SNTG1: variants seen among roughly 807,000 people sequenced by gnomAD.
SNTG1 encodes the protein gamma-1-syntrophin.
Under a neutral mutation model 74.7 loss-of-function variants are expected in SNTG1, and 39 were observed. The observed-to-expected ratio is 0.52, with a 90% CI of 0.40 to 0.68. SNTG1 has a LOEUF of 0.68. SNTG1 is among the 30% of genes least tolerant of loss of function. SNTG1 has a pLI of 0.00. For synonymous variants in SNTG1, 254 were observed against 217.1 expected, an observed-to-expected ratio of 1.17 and a Z score of -1.49; for missense variants, 685 against 609.5, an observed-to-expected ratio of 1.12 and a Z score of -1.30.
At chr8:50,272,630 C>T (rs3925721) in intron 2 of SNTG1, among the ~76,000 whole-genome samples, 12 of 152,182 alleles carry the variant, frequency 7.9e-5, no homozygotes, top group Middle Eastern at 3.4e-3. Context: ...ACAGGATACC[C>T]GTGGACTTTA....
At chr8:50,030,120 T>C (rs1288284619) in intron 1 of SNTG1, among the ~76,000 whole-genome samples, 1 of 152,182 alleles carries the variant, frequency 6.6e-6, no homozygotes, top group Non-Finnish European at 1.5e-5. Context: ...CAATTTTTCA[T>C]ATATCTGCTG....
intron 1 of SNTG1, among the ~76,000 whole-genome samples, chr8:50,061,668 A>G (rs1015551217): frequency 9.3e-5 from 14 of 151,178 alleles, no homozygotes; most frequent in African/African-American, 3.1e-4. Flanking sequence ...TGCATCCCAC[A>G]TGTTTAATAT....
At chr8:50,200,749 C>T (rs979647330) in intron 2 of SNTG1, among the ~76,000 whole-genome samples, 1 of 151,996 alleles carries the variant, frequency 6.6e-6, no homozygotes, top group African/African-American at 2.4e-5. Flanking sequence ...CCAAATAGGC[C>T]TCTGTGAAGG....
chr8:50,238,284 A>G, intron 2 of SNTG1, among the ~76,000 whole-genome samples: 1 of 152,190 alleles, frequency 6.6e-6, no homozygotes, highest in East Asian at 1.9e-4. Context: ...GTACTGATAC[A>G]AAAGTAGATA....
At chr8:50,767,392 G>A (rs2095616409) in intron 18 of SNTG1, among the ~76,000 whole-genome samples, 1 of 151,760 alleles carries the variant, frequency 6.6e-6, no homozygotes, top group Non-Finnish European at 1.5e-5. Context: ...TCTTTTTGCT[G>A]TTGTTGTTGT....
chr8:49,940,049 T>C (rs76977866), intron 1 of SNTG1, among the ~76,000 whole-genome samples: 1,762 of 152,184 alleles, frequency 0.012, 30 homozygotes, highest in African/African-American at 0.039. Context: ...CTTCTGGGAG[T>C]TGACTCCATC....
chr8:50,194,370 T>A (rs1463931091), intron 2 of SNTG1, among the ~76,000 whole-genome samples: 1 of 152,082 alleles, frequency 6.6e-6, no homozygotes, highest in African/African-American at 2.4e-5. Flanking sequence ...CTGTTCAGGG[T>A]ATCTAATTCT....
intron 2 of SNTG1, among the ~76,000 whole-genome samples, chr8:50,258,547 G>A (rs2086994024): frequency 6.6e-6 from 1 of 152,054 alleles, no homozygotes; most frequent in Non-Finnish European, 1.5e-5. Context: ...ATGGTATGAT[G>A]ATAATATCTA....
chr8:49,922,437 TA>T (rs1806634350), intron 1 of SNTG1, among the ~76,000 whole-genome samples: 1 of 152,128 alleles, frequency 6.6e-6, no homozygotes, highest in Non-Finnish European at 1.5e-5. Flanking sequence ...GTGGGCAATT[TA>T]TTCCCTCACC....
At chr8:50,089,631 A>G (rs1253804393) in intron 1 of SNTG1, among the ~76,000 whole-genome samples, 24 of 152,354 alleles carry the variant, frequency 1.6e-4, no homozygotes, top group South Asian at 2.1e-4. Flanking sequence ...GAAGACATTT[A>G]TGCAGCCAAA....
intron 12 of SNTG1, among the ~76,000 whole-genome samples, chr8:50,556,353 A>G (rs2094455545): frequency 6.6e-6 from 1 of 152,102 alleles, no homozygotes; most frequent in African/African-American, 2.4e-5. Context: ...GGTTCAGCTC[A>G]TTTCTTAACC....
At chr8:50,452,337 C>T (rs2093465193) in intron 8 of SNTG1, among the ~76,000 whole-genome samples, 1 of 152,212 alleles carries the variant, frequency 6.6e-6, no homozygotes, top group African/African-American at 2.4e-5. Flanking sequence ...GAAACCAGCA[C>T]AGCACAGAGC....
At chr8:50,239,445 C>A (rs2086069687) in intron 2 of SNTG1, among the ~76,000 whole-genome samples, 1 of 152,092 alleles carries the variant, frequency 6.6e-6, no homozygotes, top group African/African-American at 2.4e-5. Flanking sequence ...AAAGTGAGTG[C>A]AAACGCTGGA....
At position 50,502,803 on chromosome 8, in the gene SNTG1, A is replaced by G; in HGVS notation, c.389A>G (p.Glu130Gly). 1 of 1,612,676 alleles carries G rather than the reference A, an allele frequency of 6.2e-7. No individual in the cohort carries two copies. Among genetic ancestry groups the G allele is most frequent in the Non-Finnish European group, 8.5e-7 (1 of 1,179,076 alleles). Residue 130 changes from glutamate to glycine, a missense_variant, in exon 9 of 19, where the codon GAA becomes GGA. Coordinates refer to ENST00000642720, the MANE Select transcript of SNTG1 (RefSeq NM_018967.5). The stretch of plus-strand genomic sequence containing the variant: ...GTTCAGGTTCTTCGGAATGCTGGAG[A>G]AGAAGTGACTCTAACAGTGTCATTT... Reference protein sequence around the residue: ...EVVQVLRNAGEEVTLTVSFLK... With the variant: ...EVVQVLRNAGGEVTLTVSFLK...
intron 13 of SNTG1, among the ~76,000 whole-genome samples, chr8:50,637,218 G>A (rs923385613): frequency 6.6e-6 from 1 of 151,946 alleles, no homozygotes; most frequent in African/African-American, 2.4e-5. Flanking sequence ...TTAGTATTTT[G>A]TCCTTGCTTG....
intron 17 of SNTG1, among the ~76,000 whole-genome samples, chr8:50,719,044 G>T (rs1375575460): frequency 1.3e-5 from 2 of 152,046 alleles, no homozygotes; most frequent in Non-Finnish European, 2.9e-5. Flanking sequence ...ATGTTAAAAA[G>T]AAATAAATAG....
intron 18 of SNTG1, among the ~76,000 whole-genome samples, chr8:50,775,505 A>C (rs2095638238): frequency 6.6e-6 from 1 of 151,528 alleles, no homozygotes; most frequent in Admixed American, 6.6e-5. Context: ...CTATGACTTT[A>C]ATTATTTTAA....
chr8:50,103,938 T>A (rs1325548422), intron 1 of SNTG1, among the ~76,000 whole-genome samples: 1 of 152,198 alleles, frequency 6.6e-6, no homozygotes, highest in East Asian at 1.9e-4. Context: ...ATAAGCTTTT[T>A]GATGTGCTGC....
chr8:50,551,091 C>T (rs2094423136), intron 11 of SNTG1, among the ~76,000 whole-genome samples: 1 of 151,996 alleles, frequency 6.6e-6, no homozygotes, highest in South Asian at 2.1e-4. Context: ...AAATTGTTCT[C>T]ACTTTAGATG....
Sources: gnomAD v4.1 joint callset for allele counts (sites outside exome capture counted in the v4.1 genomes callset) on GRCh38, gnomAD v4.1.1 for gene constraint, MANE v1.5 for transcripts, NCBI Gene and HGNC (gene_info 2026-07-23, HGNC 2026-07-21) for gene names.